Variants in SPSB4 observed in about 807,000 individuals in gnomAD.
SPSB4 encodes SPRY domain-containing SOCS box protein 4.
A neutral mutation model predicts 20.9 loss-of-function variants in SPSB4; 21 were observed. That is an observed-to-expected ratio of 1.01 (90% CI 0.71 to 1.45). The LOEUF is 1.45. Ranked by LOEUF, SPSB4 falls within the 40% of genes most tolerant of loss-of-function variation. The pLI, the probability that SPSB4 is intolerant of heterozygous loss-of-function variation, is 0.00. For synonymous variants in SPSB4, 207 were observed against 183.8 expected (o/e 1.13, Z -1.02); for missense variants, 399 against 399.2 (o/e 1.00, Z 0.00).
At chr3:141,095,122 G>C (rs1205033120) in intron 2 of SPSB4, among the ~76,000 whole-genome samples, 1 of 152,140 alleles carries the variant, frequency 6.6e-6, no homozygotes, top group African/African-American at 2.4e-5. Flanking sequence ...GGAAGAGGCC[G>C]AGGCAGGCCA....
intron 2 of SPSB4, among the ~76,000 whole-genome samples, chr3:141,130,246 C>T (rs1206588344): frequency 6.6e-6 from 1 of 152,190 alleles, no homozygotes; most frequent in Non-Finnish European, 1.5e-5. Flanking sequence ...AGAGATGACA[C>T]TTGATTTGAG....
At position 141,066,541 on chromosome 3, in the gene SPSB4, G is replaced by A. The variant is rs1262932601; in HGVS notation, c.437G>A (p.Arg146His). The change falls in exon 2 of 3, where the codon CGC becomes CAC. Residue 146 changes from arginine (R) to histidine (H), a missense_variant. Physicochemically the swap from Arg to His is conservative, Grantham distance 29. Transcript: ENST00000310546. ...DAESWGWDLG[R>H]SRLYHDGKNQ... The stretch of plus-strand genomic sequence containing the variant: ...GAGTCGTGGGGCTGGGACCTGGGCC[G>A]CAGCCGCCTCTACCACGACGGCAAG... The A allele has an allele frequency of 9.2e-6, 14 of 1,515,006 alleles. No individual in the cohort carries two copies. The highest frequency in any genetic ancestry group is 1.3e-5 in the South Asian group (1 of 76,872). The allele number at this position is 1,515,006 out of a possible 1,614,324, so 93.8% of individuals were successfully genotyped here.
intron 1 of SPSB4, among the ~76,000 whole-genome samples, chr3:141,055,110 C>T (rs1052773715): frequency 2.0e-5 from 3 of 152,210 alleles, no homozygotes; most frequent in Non-Finnish European, 2.9e-5. Flanking sequence ...TGGGCACTGG[C>T]TCCATTAAGA....
Position 141,056,164 on chromosome 3 carries a change from C to G in SPSB4, c.-154+4172C>G, listed in dbSNP as rs564368671. 2.0e-5 allele frequency among the ~76,000 whole-genome samples: 3 copies of G among 152,192 alleles called. No individual in the cohort carries two copies. In the East Asian group the frequency reaches 5.8e-4, roughly 29 times the overall value. ...ATGTGCTGGTATGTGTGGTGGGAGA[C>G]GCTGGAGCAGTGCCAAAGTCATCCA... is the stretch of plus-strand genomic sequence containing the variant. On this transcript the variant is annotated intron_variant, in intron 1 of 2. Transcript: ENST00000310546.
intron 2 of SPSB4, among the ~76,000 whole-genome samples, chr3:141,138,219 C>T (rs1025487093): frequency 6.6e-6 from 1 of 152,040 alleles, no homozygotes; most frequent in Non-Finnish European, 1.5e-5. Flanking sequence ...TTTGATTCTT[C>T]TCTCTTTTCT....
At position 141,140,283 on chromosome 3, in the gene SPSB4, C is replaced by T. The variant is rs532533206; in HGVS notation, c.695-6859C>T. Among the ~76,000 whole-genome samples the T allele has an allele frequency of 6.5e-3, 997 of 152,278 alleles. 12 individuals carry two copies. Among genetic ancestry groups the T allele is most frequent in the African/African-American group, 0.023 (958 of 41,572 alleles). On this transcript the variant is annotated intron_variant, in intron 2 of 2. Coordinates refer to ENST00000310546, the MANE Select transcript of SPSB4 (RefSeq NM_080862.3). The stretch of plus-strand genomic sequence containing the variant: ...ACTTCTTTGCCATTGGTTCAAACTT[C>T]CTCCTTTAGCTTGGAGTAGTTTGAT...
At chr3:141,105,859 G>T (rs1292505044) in intron 2 of SPSB4, among the ~76,000 whole-genome samples, 1 of 152,012 alleles carries the variant, frequency 6.6e-6, no homozygotes, top group Non-Finnish European at 1.5e-5. Context: ...CCCTTTCCTG[G>T]TAAACTGCTT....
intron 1 of SPSB4, among the ~76,000 whole-genome samples, chr3:141,054,249 A>G (rs534262595): frequency 6.6e-6 from 1 of 152,184 alleles, no homozygotes; most frequent in Non-Finnish European, 1.5e-5. Flanking sequence ...CTCTGTTGAT[A>G]CAGGAGTGAA....
At chr3:141,137,980 G>C (rs1344454106) in intron 2 of SPSB4, among the ~76,000 whole-genome samples, 1 of 152,006 alleles carries the variant, frequency 6.6e-6, no homozygotes, top group Admixed American at 6.5e-5. Flanking sequence ...TTTTTTGGTT[G>C]GTAAGCTATT....
At chr3:141,093,070 G>A (rs368378997) in intron 2 of SPSB4, among the ~76,000 whole-genome samples, 16 of 152,210 alleles carry the variant, frequency 1.1e-4, no homozygotes, top group East Asian at 9.7e-4. Context: ...GGCTGAGACC[G>A]CATGACAGGA....
At chr3:141,094,762 GCCCGCCC>G (rs1160459571) in intron 2 of SPSB4, among the ~76,000 whole-genome samples, 22 of 130,312 alleles carry the variant, frequency 1.7e-4, no homozygotes, top group South Asian at 5.3e-4. Context: ...CTTGTGCCCT[GCCCGCCC>G]CCCGCCCCCC....
intron 2 of SPSB4, among the ~76,000 whole-genome samples, chr3:141,095,348 G>A (rs1038250841): frequency 6.6e-6 from 1 of 152,094 alleles, no homozygotes. Context: ...TGTTTGGGTC[G>A]CTGCCTGGAG....
At chr3:141,129,814 A>C (rs1939107412) in intron 2 of SPSB4, among the ~76,000 whole-genome samples, 1 of 152,216 alleles carries the variant, frequency 6.6e-6, no homozygotes, top group African/African-American at 2.4e-5. Flanking sequence ...TTGCTAGGGA[A>C]GGCCATGCAT....
intron 2 of SPSB4, among the ~76,000 whole-genome samples, chr3:141,104,448 T>G (rs1938657123): frequency 6.6e-6 from 1 of 152,168 alleles, no homozygotes; most frequent in Non-Finnish European, 1.5e-5. Context: ...TGGCTGCCAC[T>G]GACCAGCCAC....
intron 1 of SPSB4, among the ~76,000 whole-genome samples, chr3:141,056,398 C>G (rs919552710): frequency 6.6e-6 from 1 of 152,188 alleles, no homozygotes; most frequent in Non-Finnish European, 1.5e-5. Context: ...CCCGATCCTG[C>G]TCCCTTTCTC....
intron 1 of SPSB4, among the ~76,000 whole-genome samples, chr3:141,054,831 G>A (rs1263274238): frequency 4.6e-5 from 7 of 152,330 alleles, no homozygotes; most frequent in Non-Finnish European, 5.9e-5. Flanking sequence ...CCGGCGTGGC[G>A]GCTTGCGCCT....
chr3:141,107,376 A>C (rs1480244014), intron 2 of SPSB4, among the ~76,000 whole-genome samples: 1 of 151,460 alleles, frequency 6.6e-6, no homozygotes, highest in Admixed American at 6.5e-5. Flanking sequence ...TAGGAATGCA[A>C]AAGGCTTAGG....
chr3:141,052,437 A>G (rs1936110476), intron 1 of SPSB4, among the ~76,000 whole-genome samples: 1 of 152,188 alleles, frequency 6.6e-6, no homozygotes, highest in South Asian at 2.1e-4. Context: ...GGCACACAGG[A>G]AACACTCAAT....
Position 141,147,281 on chromosome 3 carries a change from T to C in SPSB4, c.*12T>C. The C allele has an allele frequency of 6.2e-7, 1 of 1,614,104 alleles. No homozygotes were observed. Among genetic ancestry groups the C allele is most frequent in the Non-Finnish European group, 8.5e-7 (1 of 1,179,996 alleles). On this transcript the variant is annotated 3_prime_UTR_variant, in exon 3 of 3. Coordinates refer to ENST00000310546, the MANE Select transcript of SPSB4 (RefSeq NM_080862.3). ...TGCAGTACCAGTGAGCCAAGCCTGA[T>C]GGGCAGCACAGACACAGACACACAC...
Sources: allele counts gnomAD v4.1 joint callset (sites outside exome capture counted in the v4.1 genomes callset), GRCh38; gene constraint gnomAD v4.1.1; transcripts MANE v1.5; gene names NCBI Gene and HGNC (gene_info 2026-07-23, HGNC 2026-07-21).